The following HLCS variants were observed in gnomAD, a reference collection of about 807,000 sequenced individuals.
HLCS encodes the protein holocarboxylase synthetase, also known as biotin--protein ligase.
HLCS carries 53 observed loss-of-function variants against 75.0 expected under a neutral mutation model. The observed-to-expected ratio is 0.71, with a 90% CI of 0.57 to 0.89. The LOEUF is 0.89. HLCS is among the 40% of genes least tolerant of loss of function. HLCS has a pLI of 0.00. For missense variants in HLCS, 966 were observed against 1,074.0 expected (o/e 0.90, Z 1.41); for synonymous variants, 431 against 428.6 (o/e 1.01, Z -0.07).
chr21:36,986,528 C>A (rs573886698), intron 1 of HLCS, among the ~76,000 whole-genome samples: 43 of 152,344 alleles, frequency 2.8e-4, no homozygotes, highest in Admixed American at 2.1e-3. Context: ...AAGTCATTCT[C>A]CTGCCTCAGC....
At chr21:36,919,494 G>A (rs1341935300) in intron 5 of HLCS, among the ~76,000 whole-genome samples, 1 of 152,190 alleles carries the variant, frequency 6.6e-6, no homozygotes, top group African/African-American at 2.4e-5. Flanking sequence ...CACTGCATAC[G>A]TGCTCCAGCA....
chr21:36,814,039 G>T lies in HLCS; in HGVS notation c.1893-46754C>A, dbSNP rs538347676. Among the ~76,000 whole-genome samples, 3 of 152,272 alleles carry T rather than the reference G, an allele frequency of 2.0e-5. No homozygotes were observed. In the South Asian group the frequency reaches 6.2e-4, roughly 32 times the overall value. Reference sequence around the variant, plus strand: ...TGCCCCCAGTGCTAGGTCAGTGTGGGTTTCCCAGAGTAGGGCTTAATTCAT... The same window carrying T: ...TGCCCCCAGTGCTAGGTCAGTGTGGTTTTCCCAGAGTAGGGCTTAATTCAT... On this transcript the variant is annotated intron_variant, in intron 6 of 10. Transcript: ENST00000674895.
intron 6 of HLCS, among the ~76,000 whole-genome samples, chr21:36,813,308 T>C (rs545510685): frequency 3.3e-5 from 5 of 152,166 alleles, no homozygotes; most frequent in Non-Finnish European, 7.4e-5. Context: ...ACGTCATAAT[T>C]TCCTGTAATA....
intron 6 of HLCS, among the ~76,000 whole-genome samples, chr21:36,874,466 C>T (rs1271624024): frequency 6.6e-6 from 1 of 151,946 alleles, no homozygotes; most frequent in Non-Finnish European, 1.5e-5. Flanking sequence ...AGGTGCAGAT[C>T]TATTTCCAGG....
Position 36,822,967 on chromosome 21 carries a change from C to T in HLCS, c.1893-55682G>A, listed in dbSNP as rs77049851. Among the ~76,000 whole-genome samples the T allele has an allele frequency of 1.3e-3, 200 of 152,256 alleles. 4 individuals are homozygous for T. The East Asian group carries it at 0.036, about 28-fold the overall frequency. On this transcript the variant is annotated intron_variant, in intron 6 of 10. Transcript: ENST00000674895. ...TAAATGTATCACTCACTAAAATTAC[C>T]TGTTATATTGATTAGGGCATAACCA...
intron 9 of HLCS, chr21:36,759,112 G>A (rs2089724072): frequency 2.1e-6 from 1 of 471,032 alleles, no homozygotes; most frequent in Non-Finnish European, 4.4e-6. Context: ...GAAACACATG[G>A]TTACATGTTT....
intron 6 of HLCS, among the ~76,000 whole-genome samples, chr21:36,778,624 A>T (rs1377557704): frequency 6.6e-6 from 1 of 152,206 alleles, no homozygotes; most frequent in South Asian, 2.1e-4. Context: ...ATTTTTCTGA[A>T]CCATCATTTC....
At chr21:36,805,560 A>G (rs2061337137) in intron 6 of HLCS, among the ~76,000 whole-genome samples, 1 of 152,186 alleles carries the variant, frequency 6.6e-6, no homozygotes, top group South Asian at 2.1e-4. Context: ...TGACCACTGC[A>G]CCTCGCTCAG....
intron 2 of HLCS, among the ~76,000 whole-genome samples, chr21:36,952,187 G>C (rs918543533): frequency 6.6e-6 from 1 of 152,134 alleles, no homozygotes; most frequent in Non-Finnish European, 1.5e-5. Context: ...AAGTCAGGTA[G>C]AACATACACA....
Position 36,916,282 on chromosome 21 carries a change from C to T in HLCS, c.1620+13969G>A, listed in dbSNP as rs551047065. The stretch of plus-strand genomic sequence containing the variant: ...TTCCTAGATCAGAGGGGTAGAATCC[C>T]TTTGTTGAGTATAAAAGATCAACTA... On this transcript the variant is annotated intron_variant, in intron 5 of 10. Transcript: ENST00000674895. Among the ~76,000 whole-genome samples, 6 of 152,212 alleles carry T rather than the reference C, an allele frequency of 3.9e-5. 1 individual carries two copies. In the South Asian group the frequency reaches 1.2e-3, roughly 32 times the overall value.
chr21:36,964,206 C>T (rs914795447), intron 1 of HLCS, among the ~76,000 whole-genome samples: 33 of 152,346 alleles, frequency 2.2e-4, no homozygotes, highest in African/African-American at 7.7e-4. Flanking sequence ...GCCTGGGTGA[C>T]AGAATGAGAT....
At chr21:36,909,057 G>A (rs1034791954) in intron 5 of HLCS, among the ~76,000 whole-genome samples, 2 of 152,238 alleles carry the variant, frequency 1.3e-5, no homozygotes, top group East Asian at 1.9e-4. Context: ...TTAGCCGGGC[G>A]TGGTGGCAGG....
intron 6 of HLCS, among the ~76,000 whole-genome samples, chr21:36,867,691 C>A (rs1368749140): frequency 6.6e-6 from 1 of 152,242 alleles, no homozygotes; most frequent in African/African-American, 2.4e-5. Context: ...CTCTGAATGA[C>A]TGCATGGAAC....
intron 2 of HLCS, among the ~76,000 whole-genome samples, chr21:36,949,078 C>A (rs889833972): frequency 6.6e-6 from 1 of 152,198 alleles, no homozygotes; most frequent in Non-Finnish European, 1.5e-5. Context: ...TACCTCCCAC[C>A]TCATCCCCCC....
At chr21:36,784,414 C>A (rs1008502430) in intron 6 of HLCS, among the ~76,000 whole-genome samples, 1 of 150,880 alleles carries the variant, frequency 6.6e-6, no homozygotes, top group Non-Finnish European at 1.5e-5. Flanking sequence ...CTCCCAGGTT[C>A]GAGCAATTCT....
chr21:36,958,510 C>T lies in HLCS; in HGVS notation c.330+3526G>A, dbSNP rs148328655. On this transcript the variant is annotated intron_variant, in intron 2 of 10. Transcript: ENST00000674895. ...CAGCTGGTTAAAACCTTGTCTAGGC[C>T]GGGAACAGTGGCTCACGCCTGTAAT... is the stretch of plus-strand genomic sequence containing the variant. Among the ~76,000 whole-genome samples the T allele has an allele frequency of 3.3e-5, 5 of 152,274 alleles. No homozygotes were observed. In the East Asian group the frequency reaches 7.7e-4, roughly 24 times the overall value.
At chr21:36,807,010 G>T (rs2061380858) in intron 6 of HLCS, among the ~76,000 whole-genome samples, 1 of 152,192 alleles carries the variant, frequency 6.6e-6, no homozygotes, top group African/African-American at 2.4e-5. Flanking sequence ...CTTTTGCCAT[G>T]GGGCTACTCA....
At chr21:36,962,481 G>C (rs1271983214) in intron 1 of HLCS, among the ~76,000 whole-genome samples, 2 of 152,070 alleles carry the variant, frequency 1.3e-5, no homozygotes, top group African/African-American at 4.8e-5. Context: ...AGCTAACCGG[G>C]AAGTACATTT....
intron 10 of HLCS, 122 bp from the exon 11 acceptor site, chr21:36,754,539 G>T: frequency 9.8e-7 from 1 of 1,022,252 alleles, no homozygotes; most frequent in Non-Finnish European, 1.5e-6. Context: ...GAGGCTCGCT[G>T]CAGGGAAAAG....
Sources: gnomAD v4.1 joint callset for allele counts (sites outside exome capture counted in the v4.1 genomes callset) on GRCh38, gnomAD v4.1.1 for gene constraint, MANE v1.5 for transcripts, NCBI Gene and HGNC (gene_info 2026-07-23, HGNC 2026-07-21) for gene names.